The following GLIS1 variants were observed in gnomAD, a reference collection of about 807,000 sequenced individuals.
The protein encoded by GLIS1 is GLIS family zinc finger 1.
Under a neutral mutation model 63.8 loss-of-function variants are expected in GLIS1, and 24 were observed. The ratio of observed to expected loss-of-function variants is 0.38; its 90% CI spans 0.27 to 0.53. GLIS1 has a LOEUF of 0.53. GLIS1 is among the 20% of genes least tolerant of loss of function. GLIS1 has a pLI of 0.85. For missense variants in GLIS1, 1,036 were observed against 1,074.1 expected (o/e 0.96, Z 0.50); for synonymous variants, 450 against 482.5 (o/e 0.93, Z 0.88).
chr1:53,667,153 C>G (rs955243189), intron 2 of GLIS1, among the ~76,000 whole-genome samples: 1 of 152,216 alleles, frequency 6.6e-6, no homozygotes, highest in Admixed American at 6.5e-5. Flanking sequence ...TTGGGAACTG[C>G]AAAGCACTGT....
At chr1:53,557,872 C>T (rs1045098338) in intron 4 of GLIS1, among the ~76,000 whole-genome samples, 1 of 152,196 alleles carries the variant, frequency 6.6e-6, no homozygotes, top group African/African-American at 2.4e-5. Flanking sequence ...ATTCCATATG[C>T]CCCTCTGAAG....
chr1:53,663,109 C>T (rs76682761), intron 2 of GLIS1, among the ~76,000 whole-genome samples: 1 of 152,200 alleles, frequency 6.6e-6, no homozygotes, highest in Non-Finnish European at 1.5e-5. Context: ...ACAGCTCTCC[C>T]ACTAGCTCCA....
chr1:53,528,950 G>C (rs576124993), intron 5 of GLIS1, among the ~76,000 whole-genome samples: 1 of 152,252 alleles, frequency 6.6e-6, no homozygotes, highest in Non-Finnish European at 1.5e-5. Flanking sequence ...CCTCACCCAG[G>C]GCCTAGTGTA....
chr1:53,570,397 C>A (rs530951492), intron 4 of GLIS1, among the ~76,000 whole-genome samples: 1 of 152,230 alleles, frequency 6.6e-6, no homozygotes, highest in South Asian at 2.1e-4. Context: ...GCTGGTATTA[C>A]GAGTGTAAGC....
chr1:53,705,234 G>A (rs757060919), intron 2 of GLIS1, among the ~76,000 whole-genome samples: 1 of 152,156 alleles, frequency 6.6e-6, no homozygotes, highest in African/African-American at 2.4e-5. Context: ...CCTGGGAGGA[G>A]AGAGCCACCT....
At chr1:53,660,758 G>T (rs1646018471) in intron 2 of GLIS1, among the ~76,000 whole-genome samples, 2 of 152,152 alleles carry the variant, frequency 1.3e-5, no homozygotes, top group African/African-American at 2.4e-5. Context: ...TGGCTGGATG[G>T]GGGCTCTCCT....
At chr1:53,613,323 C>G (rs1434583098) in intron 2 of GLIS1, among the ~76,000 whole-genome samples, 3 of 152,176 alleles carry the variant, frequency 2.0e-5, no homozygotes, top group Non-Finnish European at 4.4e-5. Context: ...CTCAAAACGA[C>G]CATTTAATGA....
At chr1:53,597,593 A>G (rs1305058494) in intron 3 of GLIS1, among the ~76,000 whole-genome samples, 1 of 152,114 alleles carries the variant, frequency 6.6e-6, no homozygotes. Flanking sequence ...CGCTAGTTGC[A>G]AGGTCCTGAG....
intron 1 of GLIS1, 35 bp from the exon 2 acceptor site, chr1:53,738,141 C>T (rs1646931624): frequency 2.6e-6 from 3 of 1,165,220 alleles, no homozygotes; most frequent in Non-Finnish European, 3.2e-6. Context: ...AGTTAGAATG[C>T]GGAAAGCGGC....
At chr1:53,575,259 C>T (rs548726738) in intron 4 of GLIS1, among the ~76,000 whole-genome samples, 17 of 152,320 alleles carry the variant, frequency 1.1e-4, no homozygotes, top group Admixed American at 2.0e-4. Context: ...TCTGTTCACA[C>T]ACGCCTCACG....
At chr1:53,521,295 G>A (rs899251161) in intron 6 of GLIS1, among the ~76,000 whole-genome samples, 6 of 152,134 alleles carry the variant, frequency 3.9e-5, no homozygotes, top group African/African-American at 1.2e-4. Flanking sequence ...CCGGTGAATG[G>A]ACGCGGTAGG....
chr1:53,734,440 G>A (rs998242745), intron 2 of GLIS1, among the ~76,000 whole-genome samples: 1 of 152,198 alleles, frequency 6.6e-6, no homozygotes, highest in Non-Finnish European at 1.5e-5. Flanking sequence ...CCAGCTCTCG[G>A]CCGCCAACAC....
At position 53,598,091 on chromosome 1, in the gene GLIS1, G is replaced by T. The variant is rs1208599403; in HGVS notation, c.437+2010C>A. On this transcript the variant is annotated intron_variant, in intron 3 of 10. Transcript: ENST00000628545. The surrounding 1 kb of genome is among the most constrained non-coding windows in gnomAD (Gnocchi z 4.6). ...ACGGCTCAAAAACTATAAGACGCTTGCTCCTTGCTATGGACTGATTTGTGT... is the reference window on the plus strand; with the variant it reads ...ACGGCTCAAAAACTATAAGACGCTTTCTCCTTGCTATGGACTGATTTGTGT... Among the ~76,000 whole-genome samples the T allele has an allele frequency of 6.6e-6, 1 of 152,182 alleles. No individual in the cohort carries two copies. Among genetic ancestry groups the T allele is most frequent in the Non-Finnish European group, 1.5e-5 (1 of 68,038 alleles).
intron 2 of GLIS1, among the ~76,000 whole-genome samples, chr1:53,735,528 G>T (rs1329218528): frequency 6.6e-6 from 1 of 152,170 alleles, no homozygotes; most frequent in African/African-American, 2.4e-5. Context: ...TATCACTAAT[G>T]ATCTCATCAG....
At chr1:53,556,914 G>A (rs1273326219) in intron 4 of GLIS1, among the ~76,000 whole-genome samples, 1 of 151,216 alleles carries the variant, frequency 6.6e-6, no homozygotes, top group Admixed American at 6.6e-5. Flanking sequence ...AGGTATGTGT[G>A]TGTGTGTGCA....
At chr1:53,689,273 A>G (rs1433357562) in intron 2 of GLIS1, among the ~76,000 whole-genome samples, 4 of 152,222 alleles carry the variant, frequency 2.6e-5, no homozygotes, top group African/African-American at 7.2e-5. Context: ...GAGAAGCCAC[A>G]GCCCAGTCAG....
At chr1:53,509,410 G>C (rs1416939771) in intron 9 of GLIS1, 123 bp from the exon 10 acceptor site, 2 of 1,071,760 alleles carry the variant, frequency 1.9e-6, no homozygotes, top group East Asian at 5.4e-5. Context: ...GGGTGTGAGA[G>C]AGAGAGGAGG....
intron 2 of GLIS1, among the ~76,000 whole-genome samples, chr1:53,612,047 G>A (rs942450425): frequency 4.6e-5 from 7 of 151,890 alleles, no homozygotes; most frequent in Admixed American, 2.6e-4. Context: ...TGCCCAGGGG[G>A]TCTCAAACTA....
chr1:53,582,598 A>G (rs1233137196), intron 4 of GLIS1, among the ~76,000 whole-genome samples: 3 of 152,184 alleles, frequency 2.0e-5, no homozygotes, highest in Admixed American at 1.3e-4. Flanking sequence ...CCCAGTGCAC[A>G]TGACAAGAGC....
Sources: allele counts gnomAD v4.1 joint callset (sites outside exome capture counted in the v4.1 genomes callset), GRCh38; gene constraint gnomAD v4.1.1; non-coding constraint Gnocchi (gnomAD v3.1); transcripts MANE v1.5; gene names NCBI Gene and HGNC (gene_info 2026-07-23, HGNC 2026-07-21).